The following TLL1 variants were observed in gnomAD, a reference collection of about 807,000 sequenced individuals.
The protein encoded by TLL1 is tolloid-like protein 1.
TLL1 carries 49 observed loss-of-function variants against 128.2 expected under a neutral mutation model. That is an observed-to-expected ratio of 0.38 (90% CI 0.30 to 0.48). The LOEUF is 0.48. Among genes scored for constraint, TLL1 ranks in the 20% least tolerant of loss-of-function variants. The pLI is 0.96. For synonymous variants in TLL1, 454 were observed against 418.8 expected, an observed-to-expected ratio of 1.08 and a Z score of -1.03; for missense variants, 1,123 against 1,242.0, an observed-to-expected ratio of 0.90 and a Z score of 1.44.
At chr4:166,044,026 A>C (rs1258418496) in intron 12 of TLL1, among the ~76,000 whole-genome samples, 1 of 152,096 alleles carries the variant, frequency 6.6e-6, no homozygotes, top group Non-Finnish European at 1.5e-5. Context: ...CCCGTGAGTC[A>C]TTTTTGTGGG....
At chr4:165,961,244 C>G (rs141103467) in intron 1 of TLL1, among the ~76,000 whole-genome samples, 1 of 151,994 alleles carries the variant, frequency 6.6e-6, no homozygotes, top group East Asian at 1.9e-4. Flanking sequence ...AATAAAATAT[C>G]TAGAAATACA....
intron 1 of TLL1, among the ~76,000 whole-genome samples, chr4:165,956,942 C>A (rs1734830943): frequency 6.6e-6 from 1 of 152,044 alleles, no homozygotes; most frequent in South Asian, 2.1e-4. Context: ...TATAAAGCAG[C>A]TTCACAATTG....
intron 1 of TLL1, among the ~76,000 whole-genome samples, chr4:165,878,654 A>G (rs931616752): frequency 7.2e-5 from 11 of 152,046 alleles, no homozygotes; most frequent in African/African-American, 2.7e-4. Flanking sequence ...GTTTGTTTAC[A>G]TAGTCTCCTG....
intron 11 of TLL1, among the ~76,000 whole-genome samples, chr4:166,042,791 G>C (rs955244014): frequency 1.3e-5 from 2 of 152,144 alleles, no homozygotes; most frequent in East Asian, 3.9e-4. Context: ...TTTGTTTTAA[G>C]GATTAACTGC....
intron 1 of TLL1, among the ~76,000 whole-genome samples, chr4:165,877,315 T>C (rs903512245): frequency 1.3e-5 from 2 of 152,238 alleles, no homozygotes; most frequent in Non-Finnish European, 2.9e-5. Flanking sequence ...CATAGCCAAA[T>C]CCATTAGGAC....
intron 16 of TLL1, among the ~76,000 whole-genome samples, chr4:166,069,573 T>C (rs1476055888): frequency 6.6e-6 from 1 of 151,890 alleles, no homozygotes; most frequent in East Asian, 1.9e-4. Flanking sequence ...ATAATATATT[T>C]ATAGTATTAT....
At chr4:166,007,679 A>G (rs1223569973) in intron 6 of TLL1, among the ~76,000 whole-genome samples, 1 of 151,784 alleles carries the variant, frequency 6.6e-6, no homozygotes, top group South Asian at 2.1e-4. Context: ...GTGGTAAAAG[A>G]GCATACATAT....
chr4:165,909,332 T>A (rs1320665593), intron 1 of TLL1, among the ~76,000 whole-genome samples: 1 of 152,190 alleles, frequency 6.6e-6, no homozygotes, highest in Non-Finnish European at 1.5e-5. Flanking sequence ...AGATGCCAAT[T>A]AAACATTCAA....
At chr4:165,932,167 G>GT (rs1173352080) in intron 1 of TLL1, among the ~76,000 whole-genome samples, 1 of 152,052 alleles carries the variant, frequency 6.6e-6, no homozygotes, top group Non-Finnish European at 1.5e-5. Context: ...AAATCAGAAG[G>GT]TCTCCTAGTT....
At chr4:165,895,183 GGAATACA>G (rs1364932990) in intron 1 of TLL1, among the ~76,000 whole-genome samples, 1 of 152,032 alleles carries the variant, frequency 6.6e-6, no homozygotes, top group African/African-American at 2.4e-5. Context: ...AGAAATCAAA[GGAATACA>G]GATTGGAAAG....
At chr4:165,955,180 G>A (rs1030776485) in intron 1 of TLL1, among the ~76,000 whole-genome samples, 6 of 151,946 alleles carry the variant, frequency 3.9e-5, no homozygotes, top group African/African-American at 9.7e-5. Flanking sequence ...GAATCTTGGA[G>A]CTTGCAGACC....
intron 1 of TLL1, among the ~76,000 whole-genome samples, chr4:165,951,395 G>A (rs1373315564): frequency 1.3e-5 from 2 of 152,082 alleles, no homozygotes; most frequent in Middle Eastern, 3.2e-3. Context: ...GACTCAGACT[G>A]CTGGCAGGAA....
At chr4:165,897,286 C>T (rs1380874267) in intron 1 of TLL1, among the ~76,000 whole-genome samples, 2 of 152,094 alleles carry the variant, frequency 1.3e-5, no homozygotes, top group Admixed American at 6.5e-5. Context: ...GTGTTTTAGT[C>T]GTGAAGTCTT....
chr4:165,943,636 C>T (rs941686299), intron 1 of TLL1, among the ~76,000 whole-genome samples: 1 of 151,818 alleles, frequency 6.6e-6, no homozygotes, highest in African/African-American at 2.4e-5. Flanking sequence ...AAATTGTTTC[C>T]TATCGTCTTC....
At chr4:165,979,789 C>T (rs1322086982) in intron 1 of TLL1, among the ~76,000 whole-genome samples, 1 of 152,078 alleles carries the variant, frequency 6.6e-6, no homozygotes, top group Non-Finnish European at 1.5e-5. Flanking sequence ...AACCCCATCT[C>T]TACATAAATG....
chr4:166,003,140 A>C (rs1194575725), intron 5 of TLL1, among the ~76,000 whole-genome samples: 2 of 152,190 alleles, frequency 1.3e-5, no homozygotes, highest in African/African-American at 2.4e-5. Context: ...ATGCTTCTAA[A>C]AATGATGTAA....
intron 1 of TLL1, among the ~76,000 whole-genome samples, chr4:165,959,454 A>AT (rs959924271): frequency 2.6e-5 from 4 of 152,044 alleles, no homozygotes; most frequent in Non-Finnish European, 4.4e-5. Context: ...ATTCCTAAGT[A>AT]TTTTATTCTC....
At chr4:165,889,336 C>T (rs1256156455) in intron 1 of TLL1, among the ~76,000 whole-genome samples, 2 of 152,142 alleles carry the variant, frequency 1.3e-5, no homozygotes, top group East Asian at 3.8e-4. Flanking sequence ...AATAATCAAA[C>T]TACTATTTGT....
rs543804592 is a variant in TLL1, at chr4:165,971,150, G to A, written c.170-18231G>A. 3.0e-4 allele frequency among the ~76,000 whole-genome samples: 46 copies of A among 152,288 alleles called. 3 individuals carry two copies. In the South Asian group the frequency reaches 8.7e-3, roughly 29 times the overall value. On this transcript the variant is annotated intron_variant, in intron 1 of 20. Transcript: ENST00000061240. ...TTATTCTTCACTGGTAATCTATCAT[G>A]CACAACAGGAATTGGAATTCATGGG...
Sources: allele counts gnomAD v4.1 joint callset (sites outside exome capture counted in the v4.1 genomes callset), GRCh38; gene constraint gnomAD v4.1.1; transcripts MANE v1.5; gene names NCBI Gene and HGNC (gene_info 2026-07-23, HGNC 2026-07-21).